TENM3: variants seen among roughly 807,000 people sequenced by gnomAD.
The protein encoded by TENM3 is teneurin-3.
Under a neutral mutation model 255.1 loss-of-function variants are expected in TENM3, and 63 were observed. The observed-to-expected ratio is 0.25, with a 90% CI of 0.20 to 0.30. TENM3 has a LOEUF of 0.30. Among genes scored for constraint, TENM3 ranks in the 10% least tolerant of loss-of-function variants. The pLI is 1.00. For missense variants in TENM3, 2,929 were observed against 3,461.1 expected (o/e 0.85, Z 3.86); for synonymous variants, 1,306 against 1,322.3 (o/e 0.99, Z 0.27).
the TENM3 span, among the ~76,000 whole-genome samples, chr4:181,994,719 G>T: frequency 2.6e-5 from 4 of 151,982 alleles, no homozygotes; most frequent in Non-Finnish European, 4.4e-5. Context: ...AAACTCAATT[G>T]CATGATTCAT....
intron 3 of TENM3, among the ~76,000 whole-genome samples, chr4:182,466,600 G>A (rs1020719984): frequency 5.3e-5 from 8 of 152,070 alleles, no homozygotes; most frequent in African/African-American, 1.9e-4. Flanking sequence ...CCAAAGTGCT[G>A]GGATTACAGG....
the TENM3 span, among the ~76,000 whole-genome samples, chr4:181,941,515 T>C: frequency 6.6e-6 from 1 of 152,228 alleles, no homozygotes; most frequent in Non-Finnish European, 1.5e-5. Flanking sequence ...GTTTCTTAGA[T>C]CCACCCATTC....
the TENM3 span, among the ~76,000 whole-genome samples, chr4:181,523,864 G>T: frequency 6.6e-6 from 1 of 152,152 alleles, no homozygotes; most frequent in African/African-American, 2.4e-5. Flanking sequence ...CATCCTACAG[G>T]ATTCAAACAG....
the TENM3 span, among the ~76,000 whole-genome samples, chr4:182,088,997 T>C: frequency 1.1e-4 from 17 of 152,172 alleles, no homozygotes; most frequent in Admixed American, 3.3e-4. Flanking sequence ...GCGGAGCTCT[T>C]AATGAATGGG....
At chr4:182,014,111 C>T in the TENM3 span, among the ~76,000 whole-genome samples, 23 of 136,326 alleles carry the variant, frequency 1.7e-4, no homozygotes, top group African/African-American at 5.6e-4. Flanking sequence ...CGTATATACA[C>T]ATATATACGT....
chr4:181,704,537 A>AT, the TENM3 span, among the ~76,000 whole-genome samples: 9 of 152,068 alleles, frequency 5.9e-5, no homozygotes, highest in South Asian at 2.1e-4. Context: ...GATACAAATT[A>AT]TTTTTTTTCA....
chr4:182,744,099 T>C, intron 19 of TENM3: 2 of 837,124 alleles, frequency 2.4e-6, no homozygotes, highest in Non-Finnish European at 2.9e-6. Context: ...CTTTCTTTTT[T>C]TTTTTTTTTT....
At chr4:182,085,244 T>A in the TENM3 span, 1 of 152,166 alleles carries the variant, frequency 6.6e-6, no homozygotes, top group Non-Finnish European at 1.5e-5. Context: ...CTCCAGACAT[T>A]TGTCATCCAG....
chr4:181,963,773 G>C, the TENM3 span, among the ~76,000 whole-genome samples: 1 of 152,144 alleles, frequency 6.6e-6, no homozygotes, highest in Admixed American at 6.5e-5. Flanking sequence ...AAAACTTAAT[G>C]GGTGCTTGTT....
intron 1 of TENM3, among the ~76,000 whole-genome samples, chr4:182,283,635 C>T (rs1365465159): frequency 1.3e-5 from 2 of 152,144 alleles, no homozygotes; most frequent in African/African-American, 2.4e-5. Flanking sequence ...TGAGAAGTTG[C>T]ATGAGCCAAT....
chr4:181,751,844 T>C, the TENM3 span, among the ~76,000 whole-genome samples: 1 of 152,272 alleles, frequency 6.6e-6, no homozygotes, highest in East Asian at 1.9e-4. Context: ...TGATCTTTTG[T>C]TGGGGACGAA....
At chr4:181,538,118 C>CAAAG in the TENM3 span, among the ~76,000 whole-genome samples, 2 of 152,038 alleles carry the variant, frequency 1.3e-5, no homozygotes, top group South Asian at 4.2e-4. Flanking sequence ...AAGAAATGGG[C>CAAAG]AAAGATACAA....
At chr4:181,553,748 G>A in the TENM3 span, among the ~76,000 whole-genome samples, 5 of 152,066 alleles carry the variant, frequency 3.3e-5, no homozygotes, top group South Asian at 2.1e-4. Flanking sequence ...GCCAATAGAA[G>A]GGTCTTTATT....
the TENM3 span, among the ~76,000 whole-genome samples, chr4:181,603,805 G>T: frequency 1.3e-5 from 2 of 151,972 alleles, no homozygotes; most frequent in Middle Eastern, 3.4e-3. Flanking sequence ...CTTCAGAAGA[G>T]AATCTGCCAT....
the TENM3 span, among the ~76,000 whole-genome samples, chr4:181,852,840 A>C: frequency 2.0e-5 from 3 of 152,218 alleles, no homozygotes; most frequent in Non-Finnish European, 4.4e-5. Context: ...AACACCTTAA[A>C]ATAAGAAAGC....
chr4:182,121,060 AT>A, the TENM3 span, among the ~76,000 whole-genome samples: 2 of 151,956 alleles, frequency 1.3e-5, no homozygotes, highest in Non-Finnish European at 2.9e-5. Flanking sequence ...GTGCAGTGGC[AT>A]GATCTTGGCT....
At chr4:182,630,760 T>TTTA (rs148489960) in intron 5 of TENM3, among the ~76,000 whole-genome samples, 1,456 of 115,954 alleles carry the variant, frequency 0.013, 6 homozygotes, top group African/African-American at 0.029. Flanking sequence ...TTTATTTTAT[T>TTTA]TTATTATTAT....
chr4:181,635,507 C>T, the TENM3 span, among the ~76,000 whole-genome samples: 7 of 152,162 alleles, frequency 4.6e-5, no homozygotes, highest in African/African-American at 1.7e-4. Context: ...GAACAAGGGT[C>T]TTACCTAAGT....
chr4:182,800,101 A>G lies in TENM3; in HGVS notation c.7850A>G (p.Lys2617Arg), dbSNP rs1766821856. 1.3e-6 allele frequency: 2 copies of G among 1,574,594 alleles called. No individual in the cohort carries two copies. Among genetic ancestry groups the G allele is most frequent in the Non-Finnish European group, 1.7e-6 (2 of 1,162,652 alleles). Residue 2617 changes from lysine (K) to arginine (R), a missense_variant, in exon 28 of 28, where the codon AAG becomes AGG. Coordinates refer to ENST00000511685, the MANE Select transcript of TENM3 (RefSeq NM_001080477.4). ...TACGGCATGACCCTGGACGAGGAGA[A>G]GGCGCGCATCCTGGAGCAGGCGCGG... The part of the protein sequence containing the change: ...VRYGMTLDEE[K>R]ARILEQARQR...
Sources: gnomAD v4.1 joint callset for allele counts (sites outside exome capture counted in the v4.1 genomes callset) on GRCh38, gnomAD v4.1.1 for gene constraint, MANE v1.5 for transcripts, NCBI Gene and HGNC (gene_info 2026-07-23, HGNC 2026-07-21) for gene names.